Variants in PPP2R2B observed in about 807,000 individuals in gnomAD.
PPP2R2B encodes serine/threonine-protein phosphatase 2A 55 kDa regulatory subunit B beta isoform.
Under a neutral mutation model 46.0 loss-of-function variants are expected in PPP2R2B, and 5 were observed. That is an observed-to-expected ratio of 0.11 (90% CI 0.06 to 0.23). The LOEUF (loss-of-function observed/expected upper bound fraction) is 0.23. Ranked by LOEUF, PPP2R2B falls within the 10% of genes least tolerant of loss-of-function variation. The pLI is 1.00. For missense variants in PPP2R2B, 367 were observed against 575.0 expected (o/e 0.64, Z 3.70); for synonymous variants, 215 against 206.7 (o/e 1.04, Z -0.34).
At chr5:146,999,625 CA>C (rs1201014843) in intron 1 of PPP2R2B, among the ~76,000 whole-genome samples, 1 of 152,108 alleles carries the variant, frequency 6.6e-6, no homozygotes, top group Non-Finnish European at 1.5e-5. Context: ...GATTGTATGA[CA>C]CCAGGAATAA....
intron 2 of PPP2R2B, among the ~76,000 whole-genome samples, chr5:146,834,603 T>G (rs1222120839): frequency 2.0e-5 from 3 of 152,252 alleles, no homozygotes; most frequent in African/African-American, 7.2e-5. Context: ...TTTATTATTT[T>G]TATGAAAGTT....
At chr5:146,750,762 A>G (rs971048692) in intron 2 of PPP2R2B, among the ~76,000 whole-genome samples, 2 of 152,210 alleles carry the variant, frequency 1.3e-5, no homozygotes, top group Non-Finnish European at 2.9e-5. Context: ...TTTTCAACAT[A>G]AGCCAGAAAT....
At chr5:147,075,728 A>G (rs1007776652) in intron 2 of PPP2R2B, among the ~76,000 whole-genome samples, 3 of 152,084 alleles carry the variant, frequency 2.0e-5, no homozygotes, top group Admixed American at 6.6e-5. Flanking sequence ...TCCTTAGTTT[A>G]CTTCTCCCCT....
rs148689545 is a variant in PPP2R2B at position 146,695,474 on chromosome 5, A to T, written c.334+2505T>A. ...GGTTTTATTTTTTATTGAAATTGTA[A>T]GTTTGAAAATATATTCTAGCAGAAA... On this transcript the variant is annotated intron_variant, in intron 4 of 9. Transcript: ENST00000394411. Among the ~76,000 whole-genome samples the T allele has an allele frequency of 6.0e-3, 916 of 152,316 alleles. 16 individuals are homozygous for T. The highest frequency in any genetic ancestry group is 0.02 in the African/African-American group (848 of 41,562).
intron 2 of PPP2R2B, among the ~76,000 whole-genome samples, chr5:146,774,127 A>G (rs1755033004): frequency 6.6e-6 from 1 of 152,142 alleles, no homozygotes; most frequent in Non-Finnish European, 1.5e-5. Flanking sequence ...TTTCCTGGAT[A>G]CTCTAACTTG....
chr5:147,012,529 G>A (rs1258739472), intron 1 of PPP2R2B, among the ~76,000 whole-genome samples: 2 of 152,104 alleles, frequency 1.3e-5, no homozygotes, highest in Non-Finnish European at 2.9e-5. Flanking sequence ...CAAAAAACCA[G>A]CTCCTGGATT....
At chr5:146,937,051 C>A (rs1374382012) in intron 1 of PPP2R2B, among the ~76,000 whole-genome samples, 1 of 152,108 alleles carries the variant, frequency 6.6e-6, no homozygotes, top group Non-Finnish European at 1.5e-5. Context: ...TCTGTAATCC[C>A]AGCACTTTGG....
chr5:146,878,855 C>T (rs1762065218), upstream of PPP2R2B: 1 of 1,201,996 alleles, frequency 8.3e-7, no homozygotes, highest in Non-Finnish European at 1.1e-6. The surrounding 1 kb of genome is among the most constrained non-coding windows in gnomAD (Gnocchi z 4.5). Context: ...GTGGCCGAGG[C>T]AGAGGCTGCG....
intron 1 of PPP2R2B, among the ~76,000 whole-genome samples, chr5:146,907,910 ATGT>A (rs147713257): frequency 0.01 from 1,561 of 152,274 alleles, 25 homozygotes; most frequent in African/African-American, 0.036. Flanking sequence ...GGCTGATCAA[ATGT>A]TGGCAGCATT....
rs1036687122 is a variant in PPP2R2B at position 146,583,749 on chromosome 5, A to C, written c.*6198T>G. 3 of 152,198 alleles carry C rather than the reference A, an allele frequency of 2.0e-5. No individual in the cohort carries two copies. Among genetic ancestry groups the C allele is most frequent in the African/African-American group, 7.2e-5 (3 of 41,444 alleles). 9.4% of individuals were successfully genotyped at this position (152,198 alleles called of 1,614,324 possible). On this transcript the variant is annotated 3_prime_UTR_variant, in exon 10 of 10. Transcript: ENST00000394411. Reference sequence around the variant, plus strand: ...TTCGCCCAACTGAGCAACTGTTTAGAGTTCCAAAATGTTGCTTTTCCTTTT... The same window carrying C: ...TTCGCCCAACTGAGCAACTGTTTAGCGTTCCAAAATGTTGCTTTTCCTTTT...
intron 1 of PPP2R2B, among the ~76,000 whole-genome samples, chr5:147,049,556 G>A (rs1756702704): frequency 6.6e-6 from 1 of 152,180 alleles, no homozygotes; most frequent in Non-Finnish European, 1.5e-5. Flanking sequence ...TCACTTACGA[G>A]CAAGTATATG....
chr5:146,814,895 T>G (rs944166808), intron 2 of PPP2R2B, among the ~76,000 whole-genome samples: 1 of 152,178 alleles, frequency 6.6e-6, no homozygotes, highest in Non-Finnish European at 1.5e-5. Flanking sequence ...TTTCCTTCCT[T>G]TCACCCCTGC....
chr5:147,053,053 T>C (rs1756905629), intron 1 of PPP2R2B, among the ~76,000 whole-genome samples: 1 of 152,034 alleles, frequency 6.6e-6, no homozygotes, highest in African/African-American at 2.4e-5. Context: ...ATCACCCTGC[T>C]ATGTCATTTT....
intron 1 of PPP2R2B, among the ~76,000 whole-genome samples, chr5:146,944,298 T>C (rs2151831195): frequency 6.6e-6 from 1 of 152,238 alleles, no homozygotes; most frequent in African/African-American, 2.4e-5. Context: ...GGGAAACTAT[T>C]TCATTAATTG....
In PPP2R2B at chr5:146,854,145, T is replaced by C. The variant is rs552819362; in HGVS notation, c.70+23857A>G. Among the ~76,000 whole-genome samples, 4 of 152,234 alleles carry C rather than the reference T, an allele frequency of 2.6e-5. No homozygotes were observed. The South Asian group carries it at 8.3e-4, about 32-fold the overall frequency. On this transcript the variant is annotated intron_variant, in intron 2 of 9. Coordinates refer to ENST00000394411, the MANE Select transcript of PPP2R2B (RefSeq NM_181675.4). Reference sequence around the variant, plus strand: ...ATAAGTAAAAGGATGGATGCCAGACTCTTCATTCCCAATCTGCTGACACAC... The same window carrying C: ...ATAAGTAAAAGGATGGATGCCAGACCCTTCATTCCCAATCTGCTGACACAC...
chr5:146,878,548 C>T lies in PPP2R2B; in HGVS notation c.-125+43G>A. 8.0e-7 allele frequency: 1 copy of T among 1,256,652 alleles called. No individual in the cohort carries two copies. Among genetic ancestry groups the T allele is most frequent in the Non-Finnish European group, 1.0e-6 (1 of 981,984 alleles). The allele number at this position is 1,256,652 out of a possible 1,614,324, so 77.8% of individuals were successfully genotyped here. On this transcript the variant is annotated intron_variant, in intron 1 of 9. Transcript: ENST00000394411. The surrounding 1 kb of genome is among the most constrained non-coding windows in gnomAD (Gnocchi z 4.5). ...CGACAAAATGGTGCCTTTCTGGACC[C>T]GAGCTGCAGTGGCGAGATGGCAGGG...
intron 2 of PPP2R2B, among the ~76,000 whole-genome samples, chr5:146,814,901 C>T (rs1190338089): frequency 2.0e-5 from 3 of 152,172 alleles, no homozygotes; most frequent in Non-Finnish European, 4.4e-5. Context: ...TCCTTTCACC[C>T]CTGCCTTGGT....
chr5:146,829,301 T>C (rs1758775698), intron 2 of PPP2R2B, among the ~76,000 whole-genome samples: 1 of 152,228 alleles, frequency 6.6e-6, no homozygotes, highest in Non-Finnish European at 1.5e-5. Flanking sequence ...ATTGGTAAAT[T>C]GAATGGCTAA....
chr5:146,998,822 G>T lies in PPP2R2B; in HGVS notation c.79+56843C>A, dbSNP rs1272183153. Among the ~76,000 whole-genome samples, 5 of 151,756 alleles carry T rather than the reference G, an allele frequency of 3.3e-5. No individual in the cohort carries two copies. The East Asian group carries it at 9.7e-4, about 30-fold the overall frequency. On this transcript the variant is annotated intron_variant, in intron 1 of 8. Transcript: ENST00000336640. ...CCCCTTATCACTCACTGATCCTGAG[G>T]GATTCAGCAAAACCTAGTTTAAAAA...
Sources: allele counts gnomAD v4.1 joint callset (sites outside exome capture counted in the v4.1 genomes callset), GRCh38; gene constraint gnomAD v4.1.1; non-coding constraint Gnocchi (gnomAD v3.1); transcripts MANE v1.5; gene names NCBI Gene and HGNC (gene_info 2026-07-23, HGNC 2026-07-21).